The following C2orf76 variants were observed in gnomAD, a reference collection of about 807,000 sequenced individuals.
C2orf76 encodes UPF0538 protein C2orf76.
C2orf76 carries 23 observed loss-of-function variants against 16.9 expected under a neutral mutation model. The observed-to-expected ratio is 1.36, with a 90% CI of 0.98 to 1.93. C2orf76 has a LOEUF of 1.93. Ranked by LOEUF, C2orf76 falls within the 30% of genes most tolerant of loss-of-function variation. C2orf76 has a pLI of 0.00. For synonymous variants in C2orf76, 48 were observed against 52.3 expected (o/e 0.92, Z 0.35); for missense variants, 152 against 152.6 (o/e 1.00, Z 0.02).
intron 2 of C2orf76, among the ~76,000 whole-genome samples, chr2:119,331,750 T>G (rs1679683629): frequency 6.6e-6 from 1 of 152,192 alleles, no homozygotes; most frequent in African/African-American, 2.4e-5. Context: ...ATATTATACA[T>G]AGTTTTTTTA....
chr2:119,326,582 T>C (rs1023662595), intron 2 of C2orf76, among the ~76,000 whole-genome samples: 2 of 130,184 alleles, frequency 1.5e-5, no homozygotes, highest in East Asian at 2.0e-4. Context: ...AGAATAAGTT[T>C]GGTATTATCT....
the C2orf76 span, among the ~76,000 whole-genome samples, chr2:119,295,860 G>A: frequency 6.6e-6 from 1 of 152,198 alleles, no homozygotes; most frequent in African/African-American, 2.4e-5. Flanking sequence ...CGGAATGGAG[G>A]AGGGTCACTG....
chr2:119,309,048 C>G (rs1678890105), intron 5 of C2orf76, among the ~76,000 whole-genome samples: 1 of 152,202 alleles, frequency 6.6e-6, no homozygotes, highest in South Asian at 2.1e-4. Flanking sequence ...GACCCAAGCA[C>G]TCTGGCTCTG....
chr2:119,314,917 C>T (rs367954050), intron 4 of C2orf76, among the ~76,000 whole-genome samples: 34 of 152,186 alleles, frequency 2.2e-4, no homozygotes, highest in Admixed American at 5.2e-4. Flanking sequence ...CACAATGAAA[C>T]GCACAGATCT....
intron 2 of C2orf76, among the ~76,000 whole-genome samples, chr2:119,327,075 A>G (rs1017285374): frequency 6.6e-6 from 1 of 152,168 alleles, no homozygotes; most frequent in Non-Finnish European, 1.5e-5. Flanking sequence ...TGAACTGGCT[A>G]GAACTCCAGT....
chr2:119,307,753 T>C (rs1164761326), intron 5 of C2orf76, among the ~76,000 whole-genome samples: 1 of 152,126 alleles, frequency 6.6e-6, no homozygotes, highest in Non-Finnish European at 1.5e-5. Flanking sequence ...CCAGGACCAA[T>C]AGCCTTAAAG....
At chr2:119,366,991 G>A (rs2104672408), upstream of C2orf76, 4 of 1,610,072 alleles carry the variant, frequency 2.5e-6, 1 homozygote, top group Middle Eastern at 3.3e-4. Context: ...CAATCTGGGC[G>A]ATCGCTTCCT....
chr2:119,316,028 T>C (rs1450241934), intron 4 of C2orf76, among the ~76,000 whole-genome samples: 1 of 152,360 alleles, frequency 6.6e-6, no homozygotes, highest in Admixed American at 6.5e-5. Context: ...CATGCAGCAA[T>C]GAATGGAGAA....
chr2:119,322,371 A>G (rs6720285), intron 2 of C2orf76, among the ~76,000 whole-genome samples: 107,854 of 151,812 alleles, frequency 0.71, 38,778 homozygotes, highest in African/African-American at 0.81. Flanking sequence ...CGCACCCAGC[A>G]ATTTTTTGTA....
intron 2 of C2orf76, among the ~76,000 whole-genome samples, chr2:119,324,526 G>A (rs1204003169): frequency 6.6e-6 from 1 of 152,128 alleles, no homozygotes; most frequent in East Asian, 1.9e-4. Flanking sequence ...CTTCCATGAG[G>A]GCAGGGACCA....
At chr2:119,337,261 G>C (rs1424167114) in intron 2 of C2orf76, among the ~76,000 whole-genome samples, 1 of 151,080 alleles carries the variant, frequency 6.6e-6, no homozygotes, top group South Asian at 2.1e-4. Context: ...TGGAGAGACA[G>C]GGTCTTGCTA....
At chr2:119,320,275 T>C (rs149938576) in intron 3 of C2orf76, among the ~76,000 whole-genome samples, 1 of 152,304 alleles carries the variant, frequency 6.6e-6, no homozygotes, top group East Asian at 1.9e-4. Flanking sequence ...TGTAAGTTGA[T>C]TCAAGTTTAA....
intron 1 of C2orf76, among the ~76,000 whole-genome samples, chr2:119,345,791 G>C (rs1680178663): frequency 6.6e-6 from 1 of 151,674 alleles, no homozygotes; most frequent in African/African-American, 2.4e-5. Flanking sequence ...GCCAGGTGCG[G>C]TGGCTCACGC....
downstream of C2orf76, chr2:119,302,148 G>C (rs184317156): frequency 5.8e-5 from 10 of 172,220 alleles, no homozygotes; most frequent in East Asian, 1.5e-3. Context: ...TCTTTTTAAG[G>C]AGCTCTACAT....
the C2orf76 span, among the ~76,000 whole-genome samples, chr2:119,293,236 G>A: frequency 1.3e-5 from 2 of 152,162 alleles, no homozygotes; most frequent in Non-Finnish European, 2.9e-5. Flanking sequence ...GTTTTGCAAG[G>A]GCAAGCATTT....
the C2orf76 span, among the ~76,000 whole-genome samples, chr2:119,286,499 G>A: frequency 6.6e-6 from 1 of 152,126 alleles, no homozygotes; most frequent in East Asian, 1.9e-4. Flanking sequence ...TAAGGGGACA[G>A]GGGAGAGCTG....
chr2:119,282,988 A>G, the C2orf76 span, among the ~76,000 whole-genome samples: 8 of 152,134 alleles, frequency 5.3e-5, no homozygotes, highest in Admixed American at 3.3e-4. Flanking sequence ...TCCACTTCTG[A>G]GGCTGTCTTT....
At chr2:119,286,601 G>A in the C2orf76 span, among the ~76,000 whole-genome samples, 1 of 152,118 alleles carries the variant, frequency 6.6e-6, no homozygotes, top group African/African-American at 2.4e-5. Flanking sequence ...ACTACACCAT[G>A]CCAGAGTGTG....
chr2:119,285,014 A>G, the C2orf76 span, among the ~76,000 whole-genome samples: 3 of 152,152 alleles, frequency 2.0e-5, no homozygotes, highest in South Asian at 6.2e-4. Context: ...TGTGGCGGAG[A>G]TCAGAGGAGG....
Sources: gnomAD v4.1 joint callset for allele counts (sites outside exome capture counted in the v4.1 genomes callset) on GRCh38, gnomAD v4.1.1 for gene constraint, MANE v1.5 for transcripts, NCBI Gene and HGNC (gene_info 2026-07-23, HGNC 2026-07-21) for gene names.